Variants in GALNTL6 observed in about 807,000 individuals in gnomAD.
GALNTL6 encodes polypeptide N-acetylgalactosaminyltransferase like 6, also known as polypeptide N-acetylgalactosaminyltransferase-like 6.
Under a neutral mutation model 73.7 loss-of-function variants are expected in GALNTL6, and 46 were observed. The observed-to-expected ratio is 0.62, with a 90% CI of 0.49 to 0.80. The LOEUF is 0.80. GALNTL6 is among the 30% of genes least tolerant of loss of function. The pLI is 0.00. For synonymous variants in GALNTL6, 259 were observed against 263.7 expected (o/e 0.98, Z 0.17); for missense variants, 604 against 755.0 (o/e 0.80, Z 2.34).
intron 5 of GALNTL6, among the ~76,000 whole-genome samples, chr4:172,382,789 G>A (rs1358629839): frequency 6.6e-6 from 1 of 151,692 alleles, no homozygotes; most frequent in Non-Finnish European, 1.5e-5. Context: ...TGAAATAGGG[G>A]GTCCAAATAA....
At chr4:172,159,451 A>G (rs913123327) in intron 2 of GALNTL6, among the ~76,000 whole-genome samples, 42 of 152,212 alleles carry the variant, frequency 2.8e-4, no homozygotes, top group Non-Finnish European at 2.1e-4. Context: ...ATAATACTAG[A>G]AAAGTTTCAT....
At chr4:172,665,692 A>T (rs902166631) in intron 5 of GALNTL6, among the ~76,000 whole-genome samples, 2 of 152,256 alleles carry the variant, frequency 1.3e-5, no homozygotes, top group African/African-American at 4.8e-5. Flanking sequence ...AGGGACTATG[A>T]CTATTTTGCC....
chr4:172,595,327 A>C (rs1405203015), intron 5 of GALNTL6, among the ~76,000 whole-genome samples: 2 of 152,184 alleles, frequency 1.3e-5, no homozygotes, highest in East Asian at 3.9e-4. Context: ...TTTAAGTGAG[A>C]ATTTTAAGAG....
chr4:172,592,069 A>C (rs1737659668), intron 5 of GALNTL6, among the ~76,000 whole-genome samples: 1 of 152,190 alleles, frequency 6.6e-6, no homozygotes, highest in African/African-American at 2.4e-5. Context: ...TTAAAGAAAT[A>C]TCTAAGGCTG....
intron 3 of GALNTL6, among the ~76,000 whole-genome samples, chr4:172,283,693 G>A (rs973098071): frequency 1.3e-5 from 2 of 151,990 alleles, no homozygotes; most frequent in Admixed American, 1.3e-4. Context: ...TTAAAAAGAG[G>A]ACAGACTGAA....
At chr4:172,074,510 A>T (rs929673219) in intron 2 of GALNTL6, among the ~76,000 whole-genome samples, 2 of 152,000 alleles carry the variant, frequency 1.3e-5, no homozygotes, top group African/African-American at 4.8e-5. Context: ...GTCTGTGGGA[A>T]CTTCTTTAAA....
chr4:172,720,033 G>C (rs1376692034), intron 5 of GALNTL6, among the ~76,000 whole-genome samples: 1 of 152,104 alleles, frequency 6.6e-6, no homozygotes, highest in Non-Finnish European at 1.5e-5. Flanking sequence ...GTTTTGCTGA[G>C]TTTTGGCCGG....
chr4:172,963,549 C>A (rs1414776154), intron 10 of GALNTL6, among the ~76,000 whole-genome samples: 3 of 152,186 alleles, frequency 2.0e-5, no homozygotes, highest in Non-Finnish European at 2.9e-5. Flanking sequence ...ATAGTAGGTG[C>A]TTCATAAATA....
chr4:172,053,222 A>C (rs1730926861), intron 2 of GALNTL6, among the ~76,000 whole-genome samples: 1 of 152,174 alleles, frequency 6.6e-6, no homozygotes, highest in Non-Finnish European at 1.5e-5. Context: ...GTAATTTCTG[A>C]ATCATATTTT....
intron 7 of GALNTL6, among the ~76,000 whole-genome samples, chr4:172,845,184 C>T (rs1315132113): frequency 7.7e-5 from 11 of 142,716 alleles, no homozygotes; most frequent in Admixed American, 2.2e-4. Flanking sequence ...CACCACTGCA[C>T]TCCAGCCTGG....
intron 5 of GALNTL6, among the ~76,000 whole-genome samples, chr4:172,521,274 T>G (rs1163002275): frequency 3.3e-5 from 5 of 152,126 alleles, no homozygotes; most frequent in African/African-American, 4.8e-5. Context: ...TTAAAGACAA[T>G]TTGCAAATAG....
intron 5 of GALNTL6, among the ~76,000 whole-genome samples, chr4:172,591,154 C>CTGTTTT (rs1418479113): frequency 6.6e-6 from 1 of 152,088 alleles, no homozygotes; most frequent in East Asian, 1.9e-4. Flanking sequence ...TAGCCTCATT[C>CTGTTTT]TGTTTTTGTT....
intron 2 of GALNTL6, among the ~76,000 whole-genome samples, chr4:171,827,273 T>C (rs1164280022): frequency 1.3e-5 from 2 of 152,116 alleles, no homozygotes; most frequent in African/African-American, 2.4e-5. Flanking sequence ...AAGGGGATCT[T>C]ATGGCTGCCA....
At chr4:172,456,544 T>C (rs1238340893) in intron 5 of GALNTL6, among the ~76,000 whole-genome samples, 1 of 151,548 alleles carries the variant, frequency 6.6e-6, no homozygotes. Flanking sequence ...CACAAGAACT[T>C]TGTGAAGCAT....
chr4:172,899,027 T>C (rs921709213), intron 8 of GALNTL6, among the ~76,000 whole-genome samples: 8 of 152,140 alleles, frequency 5.3e-5, no homozygotes, highest in Non-Finnish European at 1.0e-4. Context: ...GCTTGCCCAA[T>C]TGATCATGAC....
intron 7 of GALNTL6, among the ~76,000 whole-genome samples, chr4:172,845,354 A>G (rs1479206369): frequency 3.3e-5 from 5 of 152,184 alleles, no homozygotes; most frequent in Non-Finnish European, 7.3e-5. Context: ...TCTCAGGTAG[A>G]TTCCAGGAAC....
chr4:172,639,655 T>C (rs1739871053), intron 5 of GALNTL6, among the ~76,000 whole-genome samples: 1 of 152,084 alleles, frequency 6.6e-6, no homozygotes, highest in Non-Finnish European at 1.5e-5. Context: ...CAGCTCCCTG[T>C]ACCTCCTTAT....
chr4:172,249,763 G>A (rs1377085344), intron 3 of GALNTL6, among the ~76,000 whole-genome samples: 1 of 152,110 alleles, frequency 6.6e-6, no homozygotes, highest in African/African-American at 2.4e-5. Context: ...TAGGTCCTGT[G>A]GATTCTCAGA....
At chr4:172,785,838 G>T (rs1739622833) in intron 5 of GALNTL6, among the ~76,000 whole-genome samples, 1 of 151,990 alleles carries the variant, frequency 6.6e-6, no homozygotes, top group Admixed American at 6.6e-5. Context: ...TTACGCTCTG[G>T]GGCTTATGTT....
Sources: gnomAD v4.1 joint callset for allele counts (sites outside exome capture counted in the v4.1 genomes callset) on GRCh38, gnomAD v4.1.1 for gene constraint, MANE v1.5 for transcripts, NCBI Gene and HGNC (gene_info 2026-07-23, HGNC 2026-07-21) for gene names.